The following WDR72 variants were observed in gnomAD, a reference collection of about 807,000 sequenced individuals.
WDR72 encodes WD repeat-containing protein 72.
In WDR72, 120 loss-of-function variants were observed where a neutral mutation model predicts 124.2. The ratio of observed to expected loss-of-function variants is 0.97; its 90% CI spans 0.83 to 1.12. The LOEUF (loss-of-function observed/expected upper bound fraction) is 1.12. Ranked by LOEUF, WDR72 falls within the 50% of genes most tolerant of loss-of-function variation. WDR72 has a pLI of 0.00. For missense variants in WDR72, 1,387 were observed against 1,278.8 expected, an observed-to-expected ratio of 1.08 and a Z score of -1.29; for synonymous variants, 452 against 441.7, an observed-to-expected ratio of 1.02 and a Z score of -0.29.
chr15:53,645,027 C>A (rs572335558), intron 14 of WDR72, among the ~76,000 whole-genome samples: 76 of 152,258 alleles, frequency 5.0e-4, no homozygotes, highest in Non-Finnish European at 5.9e-5. Flanking sequence ...TAATAAATTA[C>A]TATATTGGAT....
At chr15:53,550,608 A>G (rs951019498) in intron 18 of WDR72, among the ~76,000 whole-genome samples, 16 of 152,232 alleles carry the variant, frequency 1.1e-4, no homozygotes, top group African/African-American at 3.6e-4. Flanking sequence ...ACTCTGCTCC[A>G]GCAGAGAAAA....
At position 53,515,055 on chromosome 15, in the gene WDR72, GTATATA is replaced by G. The variant is rs141109063; in HGVS notation, c.*2638_*2643del. The G allele has an allele frequency of 1.0e-5, 1 of 97,142 alleles. No homozygotes were observed. Among genetic ancestry groups the G allele is most frequent in the Non-Finnish European group, 2.4e-5 (1 of 41,040 alleles). The allele number at this position is 97,142 out of a possible 1,614,324, so 6.0% of individuals were successfully genotyped here. A position where few individuals can be genotyped will look rare whatever the true frequency, so the allele number is the denominator to read the frequency against. ...CATATATATGTGTATATATATGTGT[GTATATA>G]TATACACACATATATATGTATGTAT... On this transcript the variant is annotated 3_prime_UTR_variant, in exon 20 of 20. Coordinates refer to ENST00000360509, the MANE Select transcript of WDR72 (RefSeq NM_182758.4).
chr15:53,719,968 T>C (rs2017826921), intron 3 of WDR72, among the ~76,000 whole-genome samples: 1 of 152,154 alleles, frequency 6.6e-6, no homozygotes, highest in Non-Finnish European at 1.5e-5. Context: ...TAAAATTTTA[T>C]TAACTATACA....
intron 13 of WDR72, among the ~76,000 whole-genome samples, chr15:53,678,231 T>G (rs1251192520): frequency 6.6e-6 from 1 of 152,242 alleles, no homozygotes; most frequent in Non-Finnish European, 1.5e-5. Flanking sequence ...TTTTATTTTT[T>G]AATGTTTTTG....
At chr15:53,582,597 G>T (rs1452466871) in intron 18 of WDR72, among the ~76,000 whole-genome samples, 1 of 151,758 alleles carries the variant, frequency 6.6e-6, no homozygotes, top group Non-Finnish European at 1.5e-5. Flanking sequence ...TTAAAAAAAA[G>T]AATCAAAAAC....
chr15:53,669,183 A>C (rs1319057942), intron 13 of WDR72, among the ~76,000 whole-genome samples: 3 of 152,034 alleles, frequency 2.0e-5, no homozygotes, highest in Non-Finnish European at 2.9e-5. Flanking sequence ...TTTGCATCCA[A>C]CCACTTTCTT....
intron 18 of WDR72, among the ~76,000 whole-genome samples, chr15:53,553,867 A>C (rs1272741880): frequency 6.6e-6 from 1 of 152,178 alleles, no homozygotes; most frequent in African/African-American, 2.4e-5. Flanking sequence ...AAAAATTTCC[A>C]ACTAAAATGA....
chr15:53,622,758 T>A (rs1197612969), intron 14 of WDR72, among the ~76,000 whole-genome samples: 1 of 151,820 alleles, frequency 6.6e-6, no homozygotes, highest in Non-Finnish European at 1.5e-5. Context: ...AACCTGTACA[T>A]CCTGCATATG....
chr15:53,757,324 T>C (rs1199682209), intron 1 of WDR72, among the ~76,000 whole-genome samples: 2 of 152,142 alleles, frequency 1.3e-5, no homozygotes, highest in African/African-American at 4.8e-5. Flanking sequence ...GATGTAGCGA[T>C]AGAATTATTC....
At chr15:53,724,636 C>A (rs2017969114) in intron 2 of WDR72, among the ~76,000 whole-genome samples, 1 of 152,184 alleles carries the variant, frequency 6.6e-6, no homozygotes, top group Admixed American at 6.5e-5. Flanking sequence ...ATGAGAAAAT[C>A]ACCCCCATGA....
At chr15:53,718,886 A>G (rs548159239) in intron 3 of WDR72, among the ~76,000 whole-genome samples, 1 of 152,106 alleles carries the variant, frequency 6.6e-6, no homozygotes, top group East Asian at 1.9e-4. Context: ...ATTTCAATGA[A>G]AAGAAAACAG....
In WDR72 at chr15:53,641,165, T is replaced by C. The variant is rs191723186; in HGVS notation, c.1962+24407A>G. Among the ~76,000 whole-genome samples the C allele has an allele frequency of 2.8e-3, 423 of 152,168 alleles. 1 individual carries two copies. The highest frequency in any genetic ancestry group is 9.6e-3 in the African/African-American group (400 of 41,554). On this transcript the variant is annotated intron_variant, in intron 14 of 19. Transcript: ENST00000360509. ...AAGGTAGAGAGTTGGGATATAATTTTATATTTTATACAAAAATCACACTCA... is the reference window on the plus strand; with the variant it reads ...AAGGTAGAGAGTTGGGATATAATTTCATATTTTATACAAAAATCACACTCA...
intron 18 of WDR72, among the ~76,000 whole-genome samples, chr15:53,583,670 C>T (rs1405753486): frequency 2.0e-5 from 3 of 152,086 alleles, no homozygotes; most frequent in Non-Finnish European, 2.9e-5. Flanking sequence ...GCAATTCTGC[C>T]CTGTGTTACA....
chr15:53,751,477 C>T (rs562778576), intron 1 of WDR72, among the ~76,000 whole-genome samples: 1 of 152,234 alleles, frequency 6.6e-6, no homozygotes, highest in East Asian at 1.9e-4. Context: ...ACAGTATGCA[C>T]ATTGTTACTT....
intron 3 of WDR72, among the ~76,000 whole-genome samples, chr15:53,721,924 C>T (rs574475447): frequency 2.2e-4 from 33 of 152,266 alleles, no homozygotes; most frequent in Non-Finnish European, 3.5e-4. Context: ...GCTTTGCTCC[C>T]GTGACACTGC....
intron 18 of WDR72, among the ~76,000 whole-genome samples, chr15:53,525,185 G>C (rs1892044232): frequency 6.6e-6 from 1 of 152,040 alleles, no homozygotes; most frequent in Non-Finnish European, 1.5e-5. Context: ...TTTGTGAAAT[G>C]TTTAAGTGGT....
rs181580692 is a variant in WDR72 at position 53,728,983 on chromosome 15, A to G, written c.153+4014T>C. On this transcript the variant is annotated intron_variant, in intron 2 of 19. Transcript: ENST00000360509. ...GCACATCTTCAAACCCCTATTGAAT[A>G]CTTGGGCACTCTGAGACGTGCAGAA... 2.6e-3 allele frequency among the ~76,000 whole-genome samples: 390 copies of G among 152,260 alleles called. 3 individuals are homozygous for G. The highest frequency in any genetic ancestry group is 3.8e-4 in the Non-Finnish European group (26 of 68,020).
chr15:53,601,244 A>G (rs1413551747), intron 17 of WDR72, among the ~76,000 whole-genome samples: 2 of 152,266 alleles, frequency 1.3e-5, no homozygotes, highest in African/African-American at 2.4e-5. Flanking sequence ...CCAGAATTTC[A>G]TATCTAGCCT....
intron 1 of WDR72, among the ~76,000 whole-genome samples, chr15:53,757,621 T>TCAACAA (rs202036323): frequency 6.7e-6 from 1 of 149,762 alleles, no homozygotes; most frequent in South Asian, 2.2e-4. Context: ...AGACTCCATC[T>TCAACAA]CAACAACAAC....
Sources: allele counts gnomAD v4.1 joint callset (sites outside exome capture counted in the v4.1 genomes callset), GRCh38; gene constraint gnomAD v4.1.1; transcripts MANE v1.5; gene names NCBI Gene and HGNC (gene_info 2026-07-23, HGNC 2026-07-21).